Variants in CPNE4 observed in about 807,000 individuals in gnomAD.
CPNE4 encodes copine 4.
A neutral mutation model predicts 67.9 loss-of-function variants in CPNE4; 25 were observed. The ratio of observed to expected loss-of-function variants is 0.37; its 90% confidence interval spans 0.27 to 0.51. CPNE4 has a LOEUF of 0.51. Ranked by LOEUF, CPNE4 falls within the 20% of genes least tolerant of loss-of-function variation. CPNE4 has a pLI of 0.93. For missense variants in CPNE4, 464 were observed against 690.8 expected (o/e 0.67, Z 3.68); for synonymous variants, 242 against 244.9 (o/e 0.99, Z 0.11).
chr3:131,834,074 C>T (rs2085471907), intron 2 of CPNE4, among the ~76,000 whole-genome samples: 2 of 152,040 alleles, frequency 1.3e-5, no homozygotes, highest in African/African-American at 4.8e-5. Context: ...TTATGGAACA[C>T]CAATTTTAAT....
chr3:131,572,536 G>A (rs148917196), intron 10 of CPNE4, among the ~76,000 whole-genome samples: 2 of 152,170 alleles, frequency 1.3e-5, no homozygotes, highest in Non-Finnish European at 2.9e-5. Flanking sequence ...AAAGCTAAGA[G>A]CTGGAGAGCT....
intron 6 of CPNE4, among the ~76,000 whole-genome samples, chr3:131,678,480 G>C (rs7432697): frequency 0.48 from 73,629 of 151,842 alleles, 17,915 homozygotes; most frequent in Middle Eastern, 0.57. Flanking sequence ...ATGTTGAATA[G>C]GAGTGGTGAG....
chr3:131,882,087 G>C (rs573623055), intron 2 of CPNE4, among the ~76,000 whole-genome samples: 1 of 151,964 alleles, frequency 6.6e-6, no homozygotes, highest in South Asian at 2.1e-4. Context: ...CGATCCTTCA[G>C]AATTAACACT....
intron 7 of CPNE4, among the ~76,000 whole-genome samples, chr3:131,649,242 A>G (rs2107620144): frequency 6.6e-6 from 1 of 152,352 alleles, no homozygotes; most frequent in South Asian, 2.1e-4. Context: ...TAGTCAGGTA[A>G]CTTTACAGTC....
intron 1 of CPNE4, among the ~76,000 whole-genome samples, chr3:131,983,097 T>A (rs989621833): frequency 6.6e-6 from 1 of 152,162 alleles, no homozygotes; most frequent in Non-Finnish European, 1.5e-5. Flanking sequence ...TAATACTGAA[T>A]GATATTTTTA....
intron 1 of CPNE4, among the ~76,000 whole-genome samples, chr3:131,981,897 T>C (rs1025209344): frequency 6.6e-6 from 1 of 152,190 alleles, no homozygotes; most frequent in South Asian, 2.1e-4. Context: ...GGGTCTCCCT[T>C]TCCCACTTGG....
At chr3:131,999,241 TA>T (rs79127364) in intron 1 of CPNE4, among the ~76,000 whole-genome samples, 4,719 of 98,540 alleles carry the variant, frequency 0.048, 149 homozygotes, top group Admixed American at 0.056. Context: ...TTATCCAAGG[TA>T]AAAAAAAAAA....
intron 1 of CPNE4, among the ~76,000 whole-genome samples, chr3:132,003,533 C>A (rs1446449056): frequency 6.6e-6 from 1 of 151,888 alleles, no homozygotes; most frequent in Non-Finnish European, 1.5e-5. Flanking sequence ...GCTGAGGGCC[C>A]TTCTCTCTCT....
At chr3:131,968,343 C>T (rs1019496852) in intron 1 of CPNE4, among the ~76,000 whole-genome samples, 5 of 152,082 alleles carry the variant, frequency 3.3e-5, no homozygotes, top group Non-Finnish European at 5.9e-5. Flanking sequence ...ACAACAAAGG[C>T]CAAAATTGAC....
chr3:131,854,007 T>G (rs1386717105), intron 2 of CPNE4, among the ~76,000 whole-genome samples: 1 of 151,896 alleles, frequency 6.6e-6, no homozygotes, highest in Admixed American at 6.6e-5. Flanking sequence ...GCATTTACTA[T>G]ATGACCTAGA....
chr3:131,880,829 G>C (rs4854850), intron 2 of CPNE4, among the ~76,000 whole-genome samples: 96,231 of 151,936 alleles, frequency 0.63, 30,690 homozygotes, highest in Admixed American at 0.72. Flanking sequence ...CTGAGAAATA[G>C]GTTGCTTTGA....
chr3:131,833,845 G>A (rs553362714), intron 2 of CPNE4, among the ~76,000 whole-genome samples: 8 of 152,238 alleles, frequency 5.3e-5, no homozygotes, highest in African/African-American at 1.4e-4. Context: ...TGGTGCTTCC[G>A]TCTTCCACTG....
At chr3:131,564,946 G>A (rs1936978575) in intron 10 of CPNE4, among the ~76,000 whole-genome samples, 1 of 152,040 alleles carries the variant, frequency 6.6e-6, no homozygotes, top group Non-Finnish European at 1.5e-5. Flanking sequence ...CAACAAAGGG[G>A]ATGCCTGAAT....
intron 9 of CPNE4, among the ~76,000 whole-genome samples, chr3:131,575,421 T>A (rs559734310): frequency 6.6e-5 from 10 of 152,168 alleles, no homozygotes; most frequent in Non-Finnish European, 1.2e-4. Flanking sequence ...TAAAACTATA[T>A]TTTCAAGTGT....
rs144265619 is a variant in CPNE4, at chr3:132,019,206, T to C, written c.-2+15361A>G. ...CAAAGCCAGGAACAATATTTACAAA[T>C]AAAACAAGCAAGAAAGCAAGTTGAA... On this transcript the variant is annotated intron_variant, in intron 1 of 15. Coordinates refer to ENST00000429747, the MANE Select transcript of CPNE4 (RefSeq NM_130808.3). Among the ~76,000 whole-genome samples, 32 of 152,006 alleles carry C rather than the reference T, an allele frequency of 2.1e-4. No homozygotes were observed. The East Asian group carries it at 5.6e-3, about 27-fold the overall frequency.
chr3:131,914,768 G>A (rs2089121232), intron 1 of CPNE4, among the ~76,000 whole-genome samples: 1 of 152,124 alleles, frequency 6.6e-6, no homozygotes, highest in Admixed American at 6.5e-5. Flanking sequence ...CCTGAGGTTG[G>A]GAGTTCGAGA....
chr3:131,849,739 T>C (rs889252419), intron 2 of CPNE4, among the ~76,000 whole-genome samples: 1 of 152,066 alleles, frequency 6.6e-6, no homozygotes, highest in Non-Finnish European at 1.5e-5. Context: ...TGGCTAGCCC[T>C]TTGGTCCCAA....
intron 7 of CPNE4, among the ~76,000 whole-genome samples, chr3:131,615,972 C>T (rs1039137420): frequency 6.6e-6 from 1 of 150,704 alleles, no homozygotes; most frequent in East Asian, 2.0e-4. Flanking sequence ...TGCTACTCCA[C>T]CCCCGCCACA....
intron 2 of CPNE4, among the ~76,000 whole-genome samples, chr3:131,825,703 A>AT (rs1407428469): frequency 2.0e-5 from 3 of 152,138 alleles, no homozygotes; most frequent in African/African-American, 7.2e-5. Flanking sequence ...TAAAAGCCTT[A>AT]TTTTTTTCTG....
Sources: gnomAD v4.1 joint callset for allele counts (sites outside exome capture counted in the v4.1 genomes callset) on GRCh38, gnomAD v4.1.1 for gene constraint, MANE v1.5 for transcripts, NCBI Gene and HGNC (gene_info 2026-07-23, HGNC 2026-07-21) for gene names.